DLG2: variants seen among roughly 807,000 people sequenced by gnomAD.
DLG2 encodes disks large homolog 2.
DLG2 carries 45 observed loss-of-function variants against 132.5 expected under a neutral mutation model. The ratio of observed to expected loss-of-function variants is 0.34; its 90% CI spans 0.27 to 0.44. The LOEUF is 0.44. Ranked by LOEUF, DLG2 falls within the 20% of genes least tolerant of loss-of-function variation. The pLI is 1.00. For synonymous variants in DLG2, 424 were observed against 419.6 expected, an observed-to-expected ratio of 1.01 and a Z score of -0.13; for missense variants, 1,045 against 1,196.9, an observed-to-expected ratio of 0.87 and a Z score of 1.87.
chr11:83,980,736 A>C, intron 11 of DLG2, 94 bp from the exon 12 acceptor site: 1 of 1,242,804 alleles, frequency 8.0e-7, no homozygotes, highest in Non-Finnish European at 1.1e-6. Context: ...GTTTTTAAAA[A>C]TGAATCCTCA....
intron 19 of DLG2, among the ~76,000 whole-genome samples, chr11:83,625,661 G>A (rs2062395705): frequency 6.6e-6 from 1 of 152,122 alleles, no homozygotes; most frequent in African/African-American, 2.4e-5. Flanking sequence ...GTTCACCCTG[G>A]GCCCTTCCCT....
chr11:83,722,773 GTC>G lies in DLG2; in HGVS notation c.1825+63915_1825+63916del, dbSNP rs544756906. Among the ~76,000 whole-genome samples the G allele has an allele frequency of 9.1e-4, 138 of 152,298 alleles. 1 individual carries two copies. Among genetic ancestry groups the G allele is most frequent in the South Asian group, 8.9e-3 (43 of 4,826 alleles). On this transcript the variant is annotated intron_variant, in intron 18 of 27. Transcript: ENST00000376104. Reference sequence around the variant, plus strand: ...ATCAGTACAAAATGTTTGGATGCAAGTCTCTTAGTCCCCAGAGCCACAGAAAT... The same window carrying G: ...ATCAGTACAAAATGTTTGGATGCAAGTCTTAGTCCCCAGAGCCACAGAAAT...
intron 6 of DLG2, among the ~76,000 whole-genome samples, chr11:84,845,481 G>A (rs1042435477): frequency 6.6e-6 from 1 of 151,888 alleles, no homozygotes; most frequent in Admixed American, 6.6e-5. Flanking sequence ...ATATATCACT[G>A]AACAACTTTT....
chr11:83,660,025 A>G (rs1358917359), intron 18 of DLG2, among the ~76,000 whole-genome samples: 1 of 152,250 alleles, frequency 6.6e-6, no homozygotes, highest in African/African-American at 2.4e-5. Flanking sequence ...CTAGAACTTT[A>G]CAAATAAACG....
At chr11:84,482,833 C>A (rs1460273794) in intron 7 of DLG2, among the ~76,000 whole-genome samples, 1 of 151,988 alleles carries the variant, frequency 6.6e-6, no homozygotes, top group Non-Finnish European at 1.5e-5. Context: ...TGCTGAATGT[C>A]TGAATAAATG....
At position 85,400,275 on chromosome 11, in the gene DLG2, G is replaced by A. The variant is rs545900250; in HGVS notation, c.41-114910C>T. Reference sequence around the variant, plus strand: ...TAGAATGGCTATCATTAAAAAGTCAGGAAACAACAGGTGCTGGAGAGGATG... The same window carrying A: ...TAGAATGGCTATCATTAAAAAGTCAAGAAACAACAGGTGCTGGAGAGGATG... On this transcript the variant is annotated intron_variant, in intron 3 of 27. Transcript: ENST00000376104. 1.7e-3 allele frequency among the ~76,000 whole-genome samples: 252 copies of A among 149,028 alleles called. 1 individual carries two copies. Among genetic ancestry groups the A allele is most frequent in the African/African-American group, 6.1e-3 (245 of 40,272 alleles).
intron 21 of DLG2, among the ~76,000 whole-genome samples, chr11:83,509,623 G>T (rs190861938): frequency 6.6e-6 from 1 of 152,124 alleles, no homozygotes; most frequent in East Asian, 1.9e-4. Context: ...AATTAACCTT[G>T]CTCGCATTTC....
chr11:84,071,124 A>T (rs1300817153), intron 10 of DLG2, among the ~76,000 whole-genome samples: 1 of 152,126 alleles, frequency 6.6e-6, no homozygotes, highest in Non-Finnish European at 1.5e-5. Context: ...GAAGGGTCTC[A>T]TTCTGTTGCC....
chr11:84,829,308 T>G (rs1256007335), intron 6 of DLG2, among the ~76,000 whole-genome samples: 1 of 151,642 alleles, frequency 6.6e-6, no homozygotes, highest in African/African-American at 2.4e-5. Flanking sequence ...CATCATACAG[T>G]TGCATTCTTG....
At chr11:84,493,913 G>T (rs2154498716) in intron 7 of DLG2, among the ~76,000 whole-genome samples, 1 of 152,198 alleles carries the variant, frequency 6.6e-6, no homozygotes, top group Non-Finnish European at 1.5e-5. Flanking sequence ...AAGTATCTTG[G>T]CCCCAGGTAG....
intron 6 of DLG2, among the ~76,000 whole-genome samples, chr11:84,934,525 G>GTTTTTTTTTTTTTT (rs757894179): frequency 2.6e-5 from 1 of 38,636 alleles, no homozygotes; most frequent in Non-Finnish European, 4.4e-5. Context: ...GTTTTGTTTT[G>GTTTTTTTTTTTTTT]TTTTTTTTTT....
intron 16 of DLG2, among the ~76,000 whole-genome samples, chr11:83,856,015 G>A (rs1297306833): frequency 1.3e-5 from 2 of 152,096 alleles, no homozygotes; most frequent in Non-Finnish European, 2.9e-5. Context: ...AGGCCCCAGT[G>A]TGTGTTGTTC....
intron 18 of DLG2, among the ~76,000 whole-genome samples, chr11:83,730,156 T>G (rs1435672490): frequency 6.7e-6 from 1 of 149,518 alleles, no homozygotes; most frequent in Admixed American, 6.6e-5. Context: ...GTTTTTTTTT[T>G]TTTTTTTTTT....
intron 3 of DLG2, among the ~76,000 whole-genome samples, chr11:85,438,279 G>A (rs1030562468): frequency 6.6e-6 from 1 of 152,032 alleles, no homozygotes; most frequent in Non-Finnish European, 1.5e-5. Context: ...GCAACATTGG[G>A]AATCAAATTT....
intron 6 of DLG2, among the ~76,000 whole-genome samples, chr11:84,573,048 T>C (rs1485177686): frequency 1.3e-5 from 2 of 152,124 alleles, no homozygotes; most frequent in East Asian, 3.9e-4. Context: ...TACAATAAAA[T>C]CTACTTGACA....
chr11:85,598,002 T>C (rs1330988635), intron 3 of DLG2, among the ~76,000 whole-genome samples: 5 of 137,132 alleles, frequency 3.6e-5, no homozygotes, highest in African/African-American at 5.5e-5. Flanking sequence ...ATATAAGAGA[T>C]GTATATAAAA....
intron 5 of DLG2, among the ~76,000 whole-genome samples, chr11:85,122,969 A>ATTT (rs1175644391): frequency 4.4e-4 from 38 of 86,892 alleles, no homozygotes; most frequent in Non-Finnish European, 6.7e-4. Context: ...ATATATATAT[A>ATTT]TTTTTTTTTT....
chr11:84,192,787 A>G (rs2096439026), intron 8 of DLG2, among the ~76,000 whole-genome samples: 2 of 152,140 alleles, frequency 1.3e-5, no homozygotes, highest in Non-Finnish European at 2.9e-5. Context: ...TTTAAATCAA[A>G]TGTTTCTTAT....
chr11:85,557,922 C>G (rs1237670801), intron 3 of DLG2, among the ~76,000 whole-genome samples: 1 of 151,776 alleles, frequency 6.6e-6, no homozygotes, highest in Non-Finnish European at 1.5e-5. Flanking sequence ...ACTAAGTCCT[C>G]AAAAGTAATT....
Sources: allele counts gnomAD v4.1 joint callset (sites outside exome capture counted in the v4.1 genomes callset), GRCh38; gene constraint gnomAD v4.1.1; transcripts MANE v1.5; gene names NCBI Gene and HGNC (gene_info 2026-07-23, HGNC 2026-07-21).